CDCA2: variants seen among roughly 807,000 people sequenced by gnomAD.
CDCA2 encodes cell division cycle associated 2, also known as cell division cycle-associated protein 2.
CDCA2 carries 44 observed loss-of-function variants against 67.0 expected under a neutral mutation model. The ratio of observed to expected loss-of-function variants is 0.66; its 90% CI spans 0.52 to 0.84. The LOEUF (loss-of-function observed/expected upper bound fraction) is 0.84, where lower values mean the gene tolerates loss of function less well. CDCA2 is among the 40% of genes least tolerant of loss of function. CDCA2 has a pLI of 0.00. For synonymous variants in CDCA2, 447 were observed against 418.7 expected, an observed-to-expected ratio of 1.07 and a Z score of -0.82; for missense variants, 1,253 against 1,203.2, an observed-to-expected ratio of 1.04 and a Z score of -0.61.
chr8:25,473,336 T>C (rs972608024), intron 7 of CDCA2, among the ~76,000 whole-genome samples: 1 of 152,230 alleles, frequency 6.6e-6, no homozygotes, highest in African/African-American at 2.4e-5. Flanking sequence ...TGAAGAACAT[T>C]CTGTTCCTAG....
chr8:25,470,166 A>G (rs1006272008), intron 7 of CDCA2, among the ~76,000 whole-genome samples, 186 bp downstream of exon 7: 25 of 152,212 alleles, frequency 1.6e-4, no homozygotes, highest in South Asian at 4.1e-4. Context: ...GCTACGATCA[A>G]TAAGAATTAG....
intron 7 of CDCA2, among the ~76,000 whole-genome samples, chr8:25,470,648 C>G (rs1803115485): frequency 1.3e-5 from 2 of 151,894 alleles, no homozygotes; most frequent in Admixed American, 1.3e-4. Flanking sequence ...CTCTACAGAT[C>G]AATTTCCTCT....
At chr8:25,477,867 C>A (rs1195062748) in intron 7 of CDCA2, among the ~76,000 whole-genome samples, 1 of 151,914 alleles carries the variant, frequency 6.6e-6, no homozygotes, top group Non-Finnish European at 1.5e-5. Flanking sequence ...ATGACACTCT[C>A]ATTCACCTCA....
At chr8:25,479,820 A>T (rs138607009) in intron 7 of CDCA2, 93 bp from the exon 8 acceptor site, 1 of 1,156,368 alleles carries the variant, frequency 8.6e-7, no homozygotes, top group African/African-American at 1.5e-5. Flanking sequence ...TCTTCATAGC[A>T]TGTTATTATC....
chr8:25,489,857 C>T (rs1243777887), intron 13 of CDCA2, among the ~76,000 whole-genome samples: 3 of 152,174 alleles, frequency 2.0e-5, no homozygotes, highest in Admixed American at 1.3e-4. Context: ...ACCAGAACTT[C>T]CTGATCTGTA....
intron 4 of CDCA2, among the ~76,000 whole-genome samples, chr8:25,463,812 G>A (rs772369129): frequency 2.0e-5 from 3 of 152,178 alleles, no homozygotes; most frequent in South Asian, 2.1e-4. Context: ...TGATGCCTTC[G>A]TACGCCCACT....
At chr8:25,468,554 T>TGTGCGC (rs1554520626) in intron 6 of CDCA2, 141 bp downstream of exon 6, 3 of 495,428 alleles carry the variant, frequency 6.1e-6, no homozygotes, top group African/African-American at 5.9e-5. Context: ...TGTGTGTGTG[T>TGTGCGC]GTGCGTGTGT....
intron 7 of CDCA2, 43 bp downstream of exon 7, chr8:25,470,023 T>TA: frequency 7.5e-7 from 1 of 1,330,092 alleles, no homozygotes; most frequent in Non-Finnish European, 1.1e-6. Context: ...GCCCGATTCA[T>TA]AGACATTTAT....
Position 25,487,324 on chromosome 8 carries a change from A to T in CDCA2, c.1523A>T (p.Asn508Ile), listed in dbSNP as rs1253865157. 1 of 1,593,426 alleles carries T rather than the reference A, an allele frequency of 6.3e-7. No individual in the cohort carries two copies. Among genetic ancestry groups the T allele is most frequent in the African/African-American group, 1.3e-5 (1 of 74,364 alleles). ...GTTGGTAGAATAACAAGGACTTCTA[A>T]CAGAAGAAATGTAAGTGTTTGTGTT... is the stretch of plus-strand genomic sequence containing the variant. ...PKVGRITRTS[N>I]RRNQLVSVVE... is the part of the protein sequence containing the mutation. Residue 508 changes from asparagine to isoleucine, a missense_variant, in exon 12 of 15, where the codon AAC (asparagine) becomes ATC (isoleucine). By Grantham distance (149) the Asn-to-Ile change is moderately radical. Transcript: ENST00000330560.
chr8:25,506,632 G>A lies in CDCA2; in HGVS notation c.1966G>A (p.Val656Ile). 1 of 1,613,504 alleles carries A rather than the reference G, an allele frequency of 6.2e-7. No individual in the cohort carries two copies. The highest frequency in any genetic ancestry group is 2.2e-5 in the East Asian group (1 of 44,860). ...GCATCAAGGCTATGATAAATATGAT[G>A]TCTCTGAATTCTGCTCTTATATAAA... ...HMHQGYDKYDVSEFCSYIKSS... is the reference protein window; with the variant it reads ...HMHQGYDKYDISEFCSYIKSS... Residue 656 changes from valine to isoleucine, a missense_variant, in exon 15 of 15, where the codon GTC becomes ATC. Transcript: ENST00000330560.
At position 25,506,846 on chromosome 8, in the gene CDCA2, C is replaced by T. The variant is rs1486484608; in HGVS notation, c.2180C>T (p.Pro727Leu). 1 of 1,613,858 alleles carries T rather than the reference C, an allele frequency of 6.2e-7. No individual in the cohort carries two copies. The highest frequency in any genetic ancestry group is 8.5e-7 in the Non-Finnish European group (1 of 1,180,020). Residue 727 changes from proline (P) to leucine (L), a missense_variant, in exon 15 of 15, where the codon CCC becomes CTC. Coordinates refer to ENST00000330560, the MANE Select transcript of CDCA2 (RefSeq NM_152562.4). ...VTEERVASDS[P>L]KPALTLQQGQ... The stretch of plus-strand genomic sequence containing the variant: ...GAAGAACGTGTGGCATCAGATAGTC[C>T]CAAACCTGCTCTGACCCTGCAGCAG...
At chr8:25,497,513 A>C (rs79376535) in intron 13 of CDCA2, among the ~76,000 whole-genome samples, 1 of 32,254 alleles carries the variant, frequency 3.1e-5, no homozygotes, top group East Asian at 1.5e-3. Context: ...AAATAAAAAA[A>C]AAAAAAACTC....
At chr8:25,495,824 A>G (rs538028687) in intron 13 of CDCA2, among the ~76,000 whole-genome samples, 1 of 152,344 alleles carries the variant, frequency 6.6e-6, no homozygotes, top group East Asian at 1.9e-4. Context: ...CAAATAAGCA[A>G]TTTTTCCCAT....
chr8:25,466,131 A>G lies in CDCA2; in HGVS notation c.388-44A>G, dbSNP rs1394207281. 3.9e-6 allele frequency: 6 copies of G among 1,547,898 alleles called. No individual in the cohort carries two copies. In the East Asian group the frequency reaches 7.2e-5, roughly 19 times the overall value. The stretch of plus-strand genomic sequence containing the variant: ...GCTGTAGGCCTAGAATATAGAAAGT[A>G]TGAATTGATTATAATACTCCTTGTA... On this transcript the variant is annotated intron_variant, in intron 4 of 14. Transcript: ENST00000330560.
intron 3 of CDCA2, among the ~76,000 whole-genome samples, chr8:25,461,336 A>G (rs1802680711): frequency 6.6e-6 from 1 of 152,028 alleles, no homozygotes; most frequent in South Asian, 2.1e-4. Context: ...CGAGCAGTAG[A>G]AATGAAGTTT....
At chr8:25,500,353 C>T in intron 13 of CDCA2, among the ~76,000 whole-genome samples, 1 of 150,726 alleles carries the variant, frequency 6.6e-6, no homozygotes, top group Admixed American at 6.6e-5. Context: ...GGTCTATGCC[C>T]TACAATAATA....
rs1370532802 is a variant in CDCA2 at position 25,506,680 on chromosome 8, G to A, written c.2014G>A (p.Ala672Thr). Reference protein sequence around the residue: ...YIKSSSSLGNATSDEDPNTNI... With the variant: ...YIKSSSSLGNTTSDEDPNTNI... ...AAAAAGTTCCTCATCGCTTGGCAAT[G>A]CTACTTCTGATGAAGATCCAAATAC... The change falls in exon 15 of 15, where the codon GCT (alanine) becomes ACT (threonine). Residue 672 changes from alanine to threonine, a missense_variant. Coordinates refer to ENST00000330560, the MANE Select transcript of CDCA2 (RefSeq NM_152562.4). 6.2e-7 allele frequency: 1 copy of A among 1,612,420 alleles called. No individual in the cohort carries two copies. The highest frequency in any genetic ancestry group is 1.7e-5 in the Admixed American group (1 of 59,608).
At chr8:25,476,958 C>T (rs1294966940) in intron 7 of CDCA2, among the ~76,000 whole-genome samples, 1 of 152,144 alleles carries the variant, frequency 6.6e-6, no homozygotes, top group Non-Finnish European at 1.5e-5. Flanking sequence ...TTTTCTTATT[C>T]AGCTACAAGA....
intron 13 of CDCA2, among the ~76,000 whole-genome samples, chr8:25,496,205 C>A (rs1040957624): frequency 5.3e-5 from 8 of 152,142 alleles, no homozygotes; most frequent in African/African-American, 1.9e-4. Flanking sequence ...AAGGGACTTA[C>A]ACTGACCAGA....
Sources: gnomAD v4.1 joint callset for allele counts (sites outside exome capture counted in the v4.1 genomes callset) on GRCh38, gnomAD v4.1.1 for gene constraint, MANE v1.5 for transcripts, NCBI Gene and HGNC (gene_info 2026-07-23, HGNC 2026-07-21) for gene names.